LRRC61: variants seen among roughly 807,000 people sequenced by gnomAD.
LRRC61 encodes the protein leucine-rich repeat-containing protein 61.
In LRRC61, 9 loss-of-function variants were observed where a neutral mutation model predicts 15.1. That is an observed-to-expected ratio of 0.60 (90% CI 0.36 to 1.04). LRRC61 has a LOEUF of 1.04. Ranked by LOEUF, LRRC61 falls within the 50% of genes least tolerant of loss-of-function variation. The pLI is 0.01. For synonymous variants in LRRC61, 173 were observed against 158.6 expected (o/e 1.09, Z -0.68); for missense variants, 344 against 335.6 (o/e 1.03, Z -0.20).
chr7:150,333,103 G>T lies in LRRC61; in HGVS notation c.-144-3615G>T, dbSNP rs1372017438. Among the ~76,000 whole-genome samples the T allele has an allele frequency of 6.6e-6, 1 of 152,204 alleles. No individual in the cohort carries two copies. Among genetic ancestry groups the T allele is most frequent in the African/African-American group, 2.4e-5 (1 of 41,456 alleles). On this transcript the variant is annotated intron_variant, in intron 2 of 2. Coordinates refer to ENST00000359623, the MANE Select transcript of LRRC61 (RefSeq NM_001142928.2). The surrounding 1 kb of genome is among the most constrained non-coding windows in gnomAD (Gnocchi z 4.3). The stretch of plus-strand genomic sequence containing the variant: ...TGTGGCTCTGCTGTGTGGCATCACC[G>T]AGCGGGCTCATGTTCTGGGAGAGGA...
intron 1 of LRRC61, among the ~76,000 whole-genome samples, chr7:150,325,306 A>G (rs1797925513): frequency 6.6e-6 from 1 of 152,106 alleles, no homozygotes. Context: ...CCTGCTTCCC[A>G]TGTGGCCTGG....
chr7:150,328,320 G>T (rs1219100498), intron 2 of LRRC61, among the ~76,000 whole-genome samples: 1 of 152,104 alleles, frequency 6.6e-6, no homozygotes, highest in African/African-American at 2.4e-5. Flanking sequence ...TTTTTGCCTG[G>T]TTCAGAACTT....
Position 150,337,708 on chromosome 7 carries a change from C to G in LRRC61, c.*67C>G. The G allele has an allele frequency of 6.8e-7, 1 of 1,465,098 alleles. No individual in the cohort carries two copies. Among genetic ancestry groups the G allele is most frequent in the East Asian group, 2.4e-5 (1 of 42,430 alleles). The allele number at this position is 1,465,098 out of a possible 1,614,324, so 90.8% of individuals were successfully genotyped here. On this transcript the variant is annotated 3_prime_UTR_variant, in exon 3 of 3. Coordinates refer to ENST00000359623, the MANE Select transcript of LRRC61 (RefSeq NM_001142928.2). Reference sequence around the variant, plus strand: ...TGCCCCCAGTTCCCCTCTCTGCCCCCACACTCGTCTTAGTTGCTTCACACT... The same window carrying G: ...TGCCCCCAGTTCCCCTCTCTGCCCCGACACTCGTCTTAGTTGCTTCACACT...
rs1427010819 is a variant in LRRC61 at position 150,337,704 on chromosome 7, C to T, written c.*63C>T. 1.3e-5 allele frequency: 19 copies of T among 1,465,546 alleles called. No individual in the cohort carries two copies. In the Admixed American group the frequency reaches 4.6e-4, roughly 36 times the overall value. The allele number at this position is 1,465,546 out of a possible 1,614,324, so 90.8% of individuals were successfully genotyped here. A position where few individuals can be genotyped will look rare whatever the true frequency, so the allele number is the denominator to read the frequency against. On this transcript the variant is annotated 3_prime_UTR_variant, in exon 3 of 3. Transcript: ENST00000359623. Reference sequence around the variant, plus strand: ...TCGCTGCCCCCAGTTCCCCTCTCTGCCCCCACACTCGTCTTAGTTGCTTCA... The same window carrying T: ...TCGCTGCCCCCAGTTCCCCTCTCTGTCCCCACACTCGTCTTAGTTGCTTCA...
chr7:150,334,976 C>T (rs547838102), intron 2 of LRRC61, among the ~76,000 whole-genome samples: 5 of 150,518 alleles, frequency 3.3e-5, no homozygotes, highest in Admixed American at 1.3e-4. Context: ...GAGCCGAGAT[C>T]GCGCCATTGT....
the LRRC61 span, among the ~76,000 whole-genome samples, chr7:150,314,452 A>C: frequency 3.3e-5 from 5 of 152,316 alleles, no homozygotes; most frequent in African/African-American, 1.2e-4. Flanking sequence ...TTGGCTCAGA[A>C]GAAGGAAATA....
At chr7:150,326,810 G>A (rs1797973212) in intron 2 of LRRC61, among the ~76,000 whole-genome samples, 1 of 152,198 alleles carries the variant, frequency 6.6e-6, no homozygotes, top group African/African-American at 2.4e-5. Flanking sequence ...CCCCTCCAGT[G>A]TGACATCCAA....
At chr7:150,313,013 C>T in the LRRC61 span, among the ~76,000 whole-genome samples, 1 of 152,194 alleles carries the variant, frequency 6.6e-6, no homozygotes, top group South Asian at 2.1e-4. Context: ...CCTGCCCCAA[C>T]TGATTAATTG....
In LRRC61 at chr7:150,330,435, G is replaced by C. The variant is rs755474847; in HGVS notation, c.-145+4425G>C. 1.3e-6 allele frequency: 1 copy of C among 775,234 alleles called. No homozygotes were observed. The highest frequency in any genetic ancestry group is 1.3e-5 in the South Asian group (1 of 74,614). 48.0% of individuals were successfully genotyped at this position (775,234 alleles called of 1,614,324 possible). On this transcript the variant is annotated intron_variant, in intron 2 of 2. Transcript: ENST00000359623. This position sits in a 1 kb window ranked among gnomAD's most constrained non-coding sequence, Gnocchi z 4.6. ...GGTCCGCGAGGCGAGTGCGGCACAG[G>C]CCTCTCTGAGCCAGGTGCTGCCCCA...
upstream of LRRC61, among the ~76,000 whole-genome samples, chr7:150,318,295 G>A (rs1438031685): frequency 6.6e-6 from 1 of 152,154 alleles, no homozygotes; most frequent in Non-Finnish European, 1.5e-5. Context: ...CACAAGCTAA[G>A]ACAAAGACAT....
At chr7:150,329,589 G>T (rs996404356) in intron 2 of LRRC61, among the ~76,000 whole-genome samples, 1 of 152,190 alleles carries the variant, frequency 6.6e-6, no homozygotes, top group Non-Finnish European at 1.5e-5. Context: ...GTAAAGCCTG[G>T]CCTGCCCATG....
rs753377412 is a variant in LRRC61 at position 150,337,253 on chromosome 7, AC to A, written c.395del (p.Pro132LeufsTer26). 1.2e-6 allele frequency: 2 copies of A among 1,603,418 alleles called. No homozygotes were observed. Among genetic ancestry groups the A allele is most frequent in the Non-Finnish European group, 1.7e-6 (2 of 1,179,808 alleles). ...TGCCTGGAGTACCTGCGGCTCCGAG[AC>A]CCTTTGGCCCGGCTCAGCAACCCGC... ...LPCLEYLRLR[D>X]PLARLSNPLC... is the part of the protein sequence containing the mutation. On this transcript the variant is annotated frameshift_variant, in exon 3 of 3. Transcript: ENST00000359623. LOFTEE classifies it high-confidence loss of function.
chr7:150,337,390 C>G lies in LRRC61; in HGVS notation c.529C>G (p.Arg177Gly). The change falls in exon 3 of 3, where the codon CGA becomes GGA. Residue 177 changes from arginine to glycine, a missense_variant. By Grantham distance (125) the Arg-to-Gly change is moderately radical. Transcript: ENST00000359623. ...GRGSEFYQLC[R>G]DLDSSLRPSS... ...TGGTAGTGAGTTCTACCAGCTGTGC[C>G]GAGACCTGGACAGCTCCTTGCGTCC... 1.9e-6 allele frequency: 3 copies of G among 1,605,748 alleles called. No individual in the cohort carries two copies. The highest frequency in any genetic ancestry group is 1.1e-5 in the South Asian group (1 of 91,072).
chr7:150,337,830 G>T lies in LRRC61; in HGVS notation c.*189G>T. 1 of 666,754 alleles carries T rather than the reference G, an allele frequency of 1.5e-6. No homozygotes were observed. Among genetic ancestry groups the T allele is most frequent in the Non-Finnish European group, 2.5e-6 (1 of 402,032 alleles). 41.3% of individuals were successfully genotyped at this position (666,754 alleles called of 1,614,324 possible). On this transcript the variant is annotated 3_prime_UTR_variant, in exon 3 of 3. Coordinates refer to ENST00000359623, the MANE Select transcript of LRRC61 (RefSeq NM_001142928.2). ...CACATGCTGCAAGGACAGACTGAAGGGCTGTGAGCAGGTGTAAGGGCTCCC... is the reference window on the plus strand; with the variant it reads ...CACATGCTGCAAGGACAGACTGAAGTGCTGTGAGCAGGTGTAAGGGCTCCC...
the LRRC61 span, among the ~76,000 whole-genome samples, chr7:150,315,008 A>ATTTTT: frequency 6.8e-6 from 1 of 147,036 alleles, no homozygotes; most frequent in Non-Finnish European, 1.5e-5. Context: ...AAATATTATT[A>ATTTTT]AATAATAAAA....
chr7:150,323,310 A>C (rs1797754388), upstream of LRRC61: 2 of 260,850 alleles, frequency 7.7e-6, no homozygotes, highest in African/African-American at 4.8e-5. Context: ...CGGAATCCAG[A>C]GCGCCCACTA....
chr7:150,329,961 C>T (rs1020192583), intron 2 of LRRC61: 1 of 170,996 alleles, frequency 5.8e-6, no homozygotes, highest in Non-Finnish European at 1.3e-5. Context: ...GTGGCTGGGC[C>T]GTAGCTTCCT....
chr7:150,336,670 G>GC, intron 2 of LRRC61, 48 bp from the exon 3 acceptor site: 1 of 697,868 alleles, frequency 1.4e-6, no homozygotes, highest in Non-Finnish European at 2.4e-6. Context: ...GTCACCTGCT[G>GC]CGTAAGACAC....
intron 2 of LRRC61, 73 bp from the exon 3 acceptor site, chr7:150,336,645 G>T: frequency 4.8e-6 from 3 of 620,034 alleles, no homozygotes; most frequent in South Asian, 4.1e-5. Context: ...TAAAAGCAGG[G>T]TCAGACTCCC....
Sources: allele counts gnomAD v4.1 joint callset (sites outside exome capture counted in the v4.1 genomes callset), GRCh38; gene constraint gnomAD v4.1.1; non-coding constraint Gnocchi (gnomAD v3.1); transcripts MANE v1.5; gene names NCBI Gene and HGNC (gene_info 2026-07-23, HGNC 2026-07-21).